The following SMAD9 variants were observed in gnomAD, a reference collection of about 807,000 sequenced individuals.
SMAD9 encodes MAD homolog 9.
A neutral mutation model predicts 46.1 loss-of-function variants in SMAD9; 36 were observed. That is an observed-to-expected ratio of 0.78 (90% CI 0.60 to 1.03). SMAD9 has a LOEUF of 1.03. Among genes scored for constraint, SMAD9 ranks in the 50% least tolerant of loss-of-function variants. The probability of loss-of-function intolerance (pLI) is 0.00; values close to 1 mark genes in which losing one functional copy is unlikely to be tolerated. For missense variants in SMAD9, 572 were observed against 599.8 expected, an observed-to-expected ratio of 0.95 and a Z score of 0.48; for synonymous variants, 245 against 237.1, an observed-to-expected ratio of 1.03 and a Z score of -0.31.
chr13:36,865,539 T>G lies in SMAD9; in HGVS notation c.1001A>C (p.Lys334Thr). Residue 334 changes from lysine to threonine, a missense_variant and splice_region_variant, in exon 5 of 7, where the codon AAG (lysine) becomes ACG (threonine). Lys to Thr is a moderately conservative substitution (Grantham distance 78). Transcript: ENST00000379826. ...AGGAATAACATCTTTGCTCTTACCC[T>G]TTCCTATATGTCTCCTGGTATTTTC... is the stretch of plus-strand genomic sequence containing the variant. The part of the protein sequence containing the change: ...TIENTRRHIG[K>T]GVHLYYVGGE... The G allele has an allele frequency of 6.2e-7, 1 of 1,611,626 alleles. No individual in the cohort carries two copies. The highest frequency in any genetic ancestry group is 1.7e-5 in the Admixed American group (1 of 60,022).
At chr13:36,905,815 A>G (rs960377167) in intron 1 of SMAD9, among the ~76,000 whole-genome samples, 1 of 102,776 alleles carries the variant, frequency 9.7e-6, no homozygotes. Flanking sequence ...AAAAAAAAAA[A>G]CTTATATCCT....
Position 36,865,624 on chromosome 13 carries a change from T to G in SMAD9, c.916A>C (p.Asn306His). ...CCAAGACAGAATCTGTTCCTGTTAT[T>G]TGAAGGGTCGGTGAACCCATCTATG... ...VLIDGFTDPS[N>H]NRNRFCLGLL... Residue 306 changes from asparagine to histidine, a missense_variant, in exon 5 of 7, where the codon AAT (asparagine) becomes CAT (histidine). By Grantham distance (68) the Asn-to-His change is moderately conservative. Transcript: ENST00000379826. 2 of 1,614,214 alleles carry G rather than the reference T, an allele frequency of 1.2e-6. No individual in the cohort carries two copies. The highest frequency in any genetic ancestry group is 1.7e-6 in the Non-Finnish European group (2 of 1,180,010).
intron 3 of SMAD9, among the ~76,000 whole-genome samples, chr13:36,868,372 A>G (rs1448024245): frequency 3.3e-5 from 5 of 152,234 alleles, no homozygotes; most frequent in African/African-American, 4.8e-5. Flanking sequence ...TATGACTCCT[A>G]TGACTTTGGT....
intron 1 of SMAD9, among the ~76,000 whole-genome samples, chr13:36,908,191 A>G (rs890637659): frequency 2.0e-5 from 3 of 152,234 alleles, no homozygotes; most frequent in African/African-American, 7.2e-5. Flanking sequence ...ATCTCTAGAG[A>G]AACCTTTTTT....
intron 1 of SMAD9, among the ~76,000 whole-genome samples, chr13:36,891,564 G>C (rs2058489227): frequency 6.6e-6 from 1 of 152,174 alleles, no homozygotes; most frequent in Non-Finnish European, 1.5e-5. Flanking sequence ...TCATTGTAGA[G>C]AGTCTAAAAC....
intron 5 of SMAD9, among the ~76,000 whole-genome samples, chr13:36,864,636 T>C (rs969660207): frequency 6.6e-6 from 1 of 152,126 alleles, no homozygotes; most frequent in Non-Finnish European, 1.5e-5. Context: ...CCATTAAGAG[T>C]CAACATCAAT....
At chr13:36,887,465 C>T (rs192248961) in intron 1 of SMAD9, among the ~76,000 whole-genome samples, 34 of 151,340 alleles carry the variant, frequency 2.2e-4, no homozygotes, top group Admixed American at 5.9e-4. Flanking sequence ...TCAGGTGGTC[C>T]GCTCGCTTCG....
intron 5 of SMAD9, among the ~76,000 whole-genome samples, chr13:36,863,355 T>C (rs1262991005): frequency 6.6e-6 from 1 of 152,204 alleles, no homozygotes; most frequent in Non-Finnish European, 1.5e-5. Flanking sequence ...AACTGTAACT[T>C]TGTCTTCGGA....
At chr13:36,878,579 T>G (rs1247782194) in intron 2 of SMAD9, among the ~76,000 whole-genome samples, 1 of 152,200 alleles carries the variant, frequency 6.6e-6, no homozygotes, top group East Asian at 1.9e-4. Context: ...TTAAAACCAT[T>G]TTTAAAAATA....
At position 36,912,426 on chromosome 13, in the gene SMAD9, T is replaced by C. The variant is rs531576283; in HGVS notation, c.-187+7690A>G. 1.8e-4 allele frequency among the ~76,000 whole-genome samples: 28 copies of C among 152,282 alleles called. No individual in the cohort carries two copies. The South Asian group carries it at 5.6e-3, about 30-fold the overall frequency. The stretch of plus-strand genomic sequence containing the variant: ...GATAAGACATGGTCCCTTTCCTCTA[T>C]ACTACTATTGAGACAGCAATCTAAA... On this transcript the variant is annotated intron_variant, in intron 1 of 6. Coordinates refer to ENST00000379826, the MANE Select transcript of SMAD9 (RefSeq NM_001127217.3).
chr13:36,851,468 T>C (rs2058074359), intron 6 of SMAD9, among the ~76,000 whole-genome samples: 1 of 152,178 alleles, frequency 6.6e-6, no homozygotes, highest in Non-Finnish European at 1.5e-5. Flanking sequence ...GCCCCCAGAC[T>C]TTCTCTTTCC....
intron 1 of SMAD9, among the ~76,000 whole-genome samples, chr13:36,894,722 CAT>C (rs917824190): frequency 6.6e-6 from 1 of 152,096 alleles, no homozygotes; most frequent in Non-Finnish European, 1.5e-5. Flanking sequence ...TTGTACTTAT[CAT>C]ATGTCACTTA....
At chr13:36,902,127 G>C (rs2058581469) in intron 1 of SMAD9, among the ~76,000 whole-genome samples, 1 of 151,784 alleles carries the variant, frequency 6.6e-6, no homozygotes, top group Non-Finnish European at 1.5e-5. Context: ...TTATGTTTAG[G>C]TTATTGATCA....
chr13:36,900,720 C>T (rs920674395), intron 1 of SMAD9, among the ~76,000 whole-genome samples: 30 of 136,692 alleles, frequency 2.2e-4, no homozygotes, highest in African/African-American at 8.1e-4. Flanking sequence ...CACACACACA[C>T]ACACACATAA....
At chr13:36,863,320 A>G (rs777325721) in intron 5 of SMAD9, among the ~76,000 whole-genome samples, 2 of 152,204 alleles carry the variant, frequency 1.3e-5, no homozygotes, top group Non-Finnish European at 2.9e-5. Context: ...TCCACATTGG[A>G]GTAATTTCTA....
At chr13:36,863,093 C>T (rs1302937224) in intron 5 of SMAD9, among the ~76,000 whole-genome samples, 1 of 152,200 alleles carries the variant, frequency 6.6e-6, no homozygotes, top group East Asian at 1.9e-4. Context: ...AACTCATTTG[C>T]TAGCCGAGGA....
At chr13:36,851,880 G>A in intron 6 of SMAD9, 1 of 970,900 alleles carries the variant, frequency 1.0e-6, no homozygotes, top group South Asian at 4.8e-5. Flanking sequence ...AGGAAAATCA[G>A]ATTTCTATAT....
chr13:36,893,044 T>C (rs1239728320), intron 1 of SMAD9, among the ~76,000 whole-genome samples: 1 of 152,184 alleles, frequency 6.6e-6, no homozygotes, highest in African/African-American at 2.4e-5. Flanking sequence ...ATGTGAATAA[T>C]AAGAATTTAT....
rs1566018599 is a variant in SMAD9, at chr13:36,865,575, T to C, written c.965A>G (p.Asn322Ser). 2.4e-5 allele frequency: 38 copies of C among 1,614,084 alleles called. No individual in the cohort carries two copies. The highest frequency in any genetic ancestry group is 3.2e-5 in the Non-Finnish European group (38 of 1,179,970). Reference sequence around the variant, plus strand: ...TCTCCTGGTATTTTCTATCGTTGAGTTTCTGTTTACATTAGAAAGAAGTCC... The same window carrying C: ...TCTCCTGGTATTTTCTATCGTTGAGCTTCTGTTTACATTAGAAAGAAGTCC... ...CLGLLSNVNR[N>S]STIENTRRHI... Residue 322 changes from asparagine (N) to serine (S), a missense_variant, in exon 5 of 7, where the codon AAC becomes AGC. Asn to Ser is a conservative substitution (Grantham distance 46, BLOSUM62 1). Transcript: ENST00000379826.
Sources: gnomAD v4.1 joint callset for allele counts (sites outside exome capture counted in the v4.1 genomes callset) on GRCh38, gnomAD v4.1.1 for gene constraint, MANE v1.5 for transcripts, NCBI Gene and HGNC (gene_info 2026-07-23, HGNC 2026-07-21) for gene names.